The following ADAM9 variants were observed in gnomAD, a reference collection of about 807,000 sequenced individuals.
The protein encoded by ADAM9 is disintegrin and metalloproteinase domain-containing protein 9.
ADAM9 carries 54 observed loss-of-function variants against 108.1 expected under a neutral mutation model. The observed-to-expected ratio is 0.50, with a 90% CI of 0.40 to 0.63. ADAM9 has a LOEUF of 0.63. Among genes scored for constraint, ADAM9 ranks in the 20% least tolerant of loss-of-function variants. The pLI, the probability that ADAM9 is intolerant of heterozygous loss-of-function variation, is 0.00. For synonymous variants in ADAM9, 316 were observed against 336.0 expected, an observed-to-expected ratio of 0.94 and a Z score of 0.65; for missense variants, 830 against 997.7, an observed-to-expected ratio of 0.83 and a Z score of 2.26.
intron 9 of ADAM9, among the ~76,000 whole-genome samples, chr8:39,024,175 C>T (rs760768289): frequency 4.6e-5 from 7 of 152,158 alleles, no homozygotes; most frequent in South Asian, 2.1e-4. Context: ...TGTTTTTCCC[C>T]GTCACTGGAA....
chr8:39,000,813 C>T (rs1363242751), intron 1 of ADAM9, among the ~76,000 whole-genome samples: 1 of 152,068 alleles, frequency 6.6e-6, no homozygotes, highest in Non-Finnish European at 1.5e-5. Flanking sequence ...TAGAAATTAA[C>T]TTGGTCCGTT....
Position 38,999,343 on chromosome 8 carries a change from TA to T in ADAM9, c.97+2186del, listed in dbSNP as rs1345256102. The stretch of plus-strand genomic sequence containing the variant: ...TTTCAGTAAACTTTTTTTTTTTTTT[TA>T]AACTGACAAAGGTAACTGTGTCATT... On this transcript the variant is annotated intron_variant, in intron 1 of 21. Coordinates refer to ENST00000487273, the MANE Select transcript of ADAM9 (RefSeq NM_003816.3). Among the ~76,000 whole-genome samples, 62 of 137,410 alleles carry T rather than the reference TA, an allele frequency of 4.5e-4. No homozygotes were observed. The Middle Eastern group carries it at 0.012, about 27-fold the overall frequency. 90.1% of individuals were successfully genotyped at this position (137,410 alleles called of 152,430 possible).
intron 12 of ADAM9, among the ~76,000 whole-genome samples, chr8:39,051,911 C>T (rs1359937305): frequency 2.0e-5 from 3 of 152,050 alleles, no homozygotes; most frequent in South Asian, 2.1e-4. Flanking sequence ...TCCTTGTACA[C>T]ACCTCATGTG....
intron 18 of ADAM9, among the ~76,000 whole-genome samples, chr8:39,084,551 A>T (rs1408600784): frequency 6.6e-6 from 1 of 151,774 alleles, no homozygotes; most frequent in African/African-American, 2.4e-5. Flanking sequence ...ATTTTACTGT[A>T]GCAAGAGAAC....
chr8:39,002,711 G>T (rs933855310), intron 1 of ADAM9, among the ~76,000 whole-genome samples: 1 of 152,146 alleles, frequency 6.6e-6, no homozygotes, highest in African/African-American at 2.4e-5. Context: ...ACACACTACA[G>T]TGTATAGAAA....
intron 7 of ADAM9, among the ~76,000 whole-genome samples, chr8:39,019,483 C>T (rs1173122123): frequency 6.6e-6 from 1 of 152,136 alleles, no homozygotes; most frequent in Non-Finnish European, 1.5e-5. Flanking sequence ...CCTATTTTGG[C>T]ATTTACAGGA....
chr8:39,033,188 T>C (rs970339270), intron 11 of ADAM9, among the ~76,000 whole-genome samples: 1 of 152,236 alleles, frequency 6.6e-6, no homozygotes, highest in African/African-American at 2.4e-5. Context: ...CTAATGTACA[T>C]GATATTATGT....
At chr8:39,085,877 C>T (rs932965988) in intron 18 of ADAM9, among the ~76,000 whole-genome samples, 2 of 152,032 alleles carry the variant, frequency 1.3e-5, no homozygotes, top group East Asian at 1.9e-4. Flanking sequence ...ATCGTTTCTT[C>T]GAATATTTTT....
At chr8:39,021,934 A>G (rs1340895853) in intron 8 of ADAM9, among the ~76,000 whole-genome samples, 2 of 152,156 alleles carry the variant, frequency 1.3e-5, no homozygotes, top group Non-Finnish European at 2.9e-5. Context: ...TCATATTAGC[A>G]TCTACTTTAT....
chr8:39,054,348 C>CTAAATCCAGTAAGTTAAATCCAGA (rs1838047689), intron 12 of ADAM9, 133 bp from the exon 13 acceptor site: 8 of 757,640 alleles, frequency 1.1e-5, no homozygotes, highest in Non-Finnish European at 1.8e-5. Flanking sequence ...AAACAGTAAG[C>CTAAATCCAGTAAGTTAAATCCAGA]AACTGTTTCT....
chr8:39,101,747 TA>T, intron 20 of ADAM9, 115 bp from the exon 21 acceptor site: 1 of 875,340 alleles, frequency 1.1e-6, no homozygotes, highest in Non-Finnish European at 1.8e-6. Context: ...GCATTTCTGA[TA>T]AGGAATATTC....
intron 11 of ADAM9, among the ~76,000 whole-genome samples, chr8:39,031,213 T>A (rs950480875): frequency 2.0e-5 from 3 of 152,380 alleles, no homozygotes; most frequent in Admixed American, 2.0e-4. Context: ...AGACCTTTGA[T>A]CCACATGGAG....
intron 11 of ADAM9, among the ~76,000 whole-genome samples, chr8:39,038,936 G>A (rs1000885681): frequency 1.3e-5 from 2 of 151,044 alleles, no homozygotes; most frequent in African/African-American, 4.9e-5. Flanking sequence ...ATCCTTCCAC[G>A]TCCTACATCT....
intron 16 of ADAM9, among the ~76,000 whole-genome samples, chr8:39,082,031 G>A (rs1839040113): frequency 6.6e-6 from 1 of 151,990 alleles, no homozygotes; most frequent in African/African-American, 2.4e-5. Context: ...ATTCATTTCT[G>A]TTTCATATCT....
rs564452190 is a variant in ADAM9, at chr8:39,024,756, A to G, written c.915-1047A>G. 9.5e-4 allele frequency among the ~76,000 whole-genome samples: 145 copies of G among 152,282 alleles called. 1 individual carries two copies. Among genetic ancestry groups the G allele is most frequent in the African/African-American group, 3.3e-3 (139 of 41,574 alleles). The stretch of plus-strand genomic sequence containing the variant: ...TGGAGTCCATGTTCTGGTGGAGGAG[A>G]TTGGCTATACATGTGATAAATAAGT... On this transcript the variant is annotated intron_variant, in intron 9 of 21. Transcript: ENST00000487273.
rs754410060 is a variant in ADAM9 at position 39,045,380 on chromosome 8, C to CACATATAGGTGTGTGTACATACACGCACA, written c.1302+3263_1302+3264insACATATAGGTGTGTGTACATACACGCACA. Among the ~76,000 whole-genome samples, 26 of 28,534 alleles carry CACATATAGGTGTGTGTACATACACGCACA rather than the reference C, an allele frequency of 9.1e-4. 1 individual carries two copies. Among genetic ancestry groups the CACATATAGGTGTGTGTACATACACGCACA allele is most frequent in the African/African-American group, 2.2e-3 (20 of 8,934 alleles). 18.7% of individuals were successfully genotyped at this position (28,534 alleles called of 152,430 possible). A position where few individuals can be genotyped will look rare whatever the true frequency, so the allele number is the denominator to read the frequency against. ...TACATATAGGTGTGTGTACATACAC[C>CACATATAGGTGTGTGTACATACACGCACA]TATAGGTGTGTGTACACACACCTAT... On this transcript the variant is annotated intron_variant, in intron 12 of 21. Transcript: ENST00000487273.
In ADAM9 at chr8:39,008,000, G is replaced by C. The variant is rs1158454394; in HGVS notation, c.195+17G>C. 6.5e-7 allele frequency: 1 copy of C among 1,536,080 alleles called. No homozygotes were observed. Among genetic ancestry groups the C allele is most frequent in the South Asian group, 1.1e-5 (1 of 89,476 alleles). ...TCAAAACAAGTAAGTTATAATTGTT[G>C]AGAAATAATATGTGGTTAATTTTTT... On this transcript the variant is annotated intron_variant, in intron 2 of 21. Coordinates refer to ENST00000487273, the MANE Select transcript of ADAM9 (RefSeq NM_003816.3).
At chr8:39,038,862 C>G (rs1168017949) in intron 11 of ADAM9, among the ~76,000 whole-genome samples, 2 of 152,182 alleles carry the variant, frequency 1.3e-5, no homozygotes, top group Non-Finnish European at 2.9e-5. Flanking sequence ...TTTGCCTATT[C>G]TTTTGTCTCA....
chr8:39,002,031 A>AT (rs1307008125), intron 1 of ADAM9, among the ~76,000 whole-genome samples: 4 of 136,296 alleles, frequency 2.9e-5, no homozygotes, highest in South Asian at 4.5e-4. Context: ...TACTAGAATG[A>AT]TTAAAAAAAA....
Sources: gnomAD v4.1 joint callset for allele counts (sites outside exome capture counted in the v4.1 genomes callset) on GRCh38, gnomAD v4.1.1 for gene constraint, MANE v1.5 for transcripts, NCBI Gene and HGNC (gene_info 2026-07-23, HGNC 2026-07-21) for gene names.